CSTF2: variants seen among roughly 807,000 people sequenced by gnomAD.
CSTF2 encodes the protein CF-1 64 kDa subunit.
Under a neutral mutation model 45.4 loss-of-function variants are expected in CSTF2, and 8 were observed. That is an observed-to-expected ratio of 0.18 (90% CI 0.10 to 0.32). The LOEUF (loss-of-function observed/expected upper bound fraction) is 0.32, where lower values mean the gene tolerates loss of function less well. CSTF2 is among the 10% of genes least tolerant of loss of function. The probability of loss-of-function intolerance (pLI) is 1.00; values close to 1 mark genes in which losing one functional copy is unlikely to be tolerated. For missense variants in CSTF2, 253 were observed against 477.1 expected (o/e 0.53, Z 4.38); for synonymous variants, 155 against 158.9 (o/e 0.98, Z 0.18).
chrX:100,834,334 A>G (rs73636623), intron 11 of CSTF2, among the ~76,000 whole-genome samples: 10,030 of 111,314 alleles, frequency 0.09, 1,143 homozygotes, highest in African/African-American at 0.31. Context: ...TACATCAATC[A>G]TCTAATTCCC....
intron 3 of CSTF2, among the ~76,000 whole-genome samples, chrX:100,823,015 A>T: frequency 9.0e-6 from 1 of 111,683 alleles, no homozygotes; most frequent in African/African-American, 3.3e-5. Flanking sequence ...TTTGTTTCTG[A>T]AATGACTTGT....
intron 8 of CSTF2, among the ~76,000 whole-genome samples, chrX:100,830,583 G>A (rs1381692640): frequency 9.0e-6 from 1 of 111,560 alleles, no homozygotes. Flanking sequence ...GTGCCCCCAT[G>A]GGATTCCCTT....
At chrX:100,831,023 A>G (rs937491312) in intron 8 of CSTF2, among the ~76,000 whole-genome samples, 9 of 111,127 alleles carry the variant, frequency 8.1e-5, no homozygotes, top group Non-Finnish European at 1.3e-4. Flanking sequence ...TTGAGGCCAC[A>G]AGCCTAAGAT....
chrX:100,820,617 C>T (rs763669140), intron 1 of CSTF2, 143 bp downstream of exon 1: 225 of 610,894 alleles, frequency 3.7e-4, no homozygotes, highest in Non-Finnish European at 5.8e-4. Context: ...CTGGTGGACT[C>T]ATGAGCAAAG....
chrX:100,838,185 AT>A (rs1040242750), intron 12 of CSTF2, 53 bp from the exon 13 acceptor site: 3 of 1,065,492 alleles, frequency 2.8e-6, no homozygotes, highest in Non-Finnish European at 3.7e-6. Context: ...TTTGTTTTGT[AT>A]TTTTTAGCTG....
At chrX:100,830,729 T>C in intron 8 of CSTF2, 2 of 706,895 alleles carry the variant, frequency 2.8e-6, no homozygotes, top group Non-Finnish European at 4.2e-6. Context: ...TCAATCTCCA[T>C]GTGTGTGTGT....
rs2085039040 is a variant in CSTF2, at chrX:100,841,484, C to A, written c.*774C>A. Among the ~76,000 whole-genome samples, 1 of 112,160 alleles carries A rather than the reference C, an allele frequency of 8.9e-6. No homozygotes were observed. The highest frequency in any genetic ancestry group is 3.7e-4 in the South Asian group (1 of 2,717). ...AGTTTAAAAAGCCACTGATTTTTCA[C>A]ATGCTCAAGATGAAATAAAAACAGA... On this transcript the variant is annotated 3_prime_UTR_variant, in exon 14 of 14. Transcript: ENST00000372972.
intron 12 of CSTF2, 96 bp downstream of exon 12, chrX:100,837,545 G>T (rs1441476295): frequency 3.7e-6 from 2 of 535,058 alleles, no homozygotes; most frequent in African/African-American, 4.7e-5. Flanking sequence ...GGTCTTCAAA[G>T]TCCCTTTGGA....
intron 9 of CSTF2, 92 bp downstream of exon 9, chrX:100,831,748 T>C (rs1265894578): frequency 1.6e-5 from 16 of 987,314 alleles, no homozygotes; most frequent in Non-Finnish European, 2.3e-5. Flanking sequence ...TTGTACCTGT[T>C]TGCCTACTTC....
intron 7 of CSTF2, among the ~76,000 whole-genome samples, chrX:100,827,346 A>G (rs2084950926): frequency 8.9e-6 from 1 of 112,536 alleles, no homozygotes; most frequent in Admixed American, 9.4e-5. Flanking sequence ...TAATAAGAGT[A>G]TTGCTCATAT....
intron 8 of CSTF2, among the ~76,000 whole-genome samples, chrX:100,830,187 A>G (rs908425231): frequency 8.9e-6 from 1 of 112,128 alleles, no homozygotes; most frequent in Non-Finnish European, 1.9e-5. Flanking sequence ...TGCTGTTGTC[A>G]TGATGTTTAT....
rs750457378 is a variant in CSTF2, at chrX:100,824,020, T to A, written c.564+15T>A. On this transcript the variant is annotated intron_variant, in intron 5 of 13. Transcript: ENST00000372972. The stretch of plus-strand genomic sequence containing the variant: ...AAATTGCCCTGGTGAGTGCTTCTGG[T>A]TCTTTTATGGAAATGGTCGGGTAAA... 12 of 1,211,021 alleles carry A rather than the reference T, an allele frequency of 9.9e-6. No homozygotes were observed. The East Asian group carries it at 3.2e-4, about 33-fold the overall frequency.
chrX:100,835,614 C>T (rs1405822781), intron 11 of CSTF2, among the ~76,000 whole-genome samples: 1 of 106,690 alleles, frequency 9.4e-6, no homozygotes, highest in Non-Finnish European at 1.9e-5. Context: ...AAAATTAACT[C>T]TAGTCCACTT....
At chrX:100,839,490 G>A (rs1305216526) in intron 13 of CSTF2, among the ~76,000 whole-genome samples, 1 of 111,352 alleles carries the variant, frequency 9.0e-6, no homozygotes, top group Non-Finnish European at 1.9e-5. Context: ...CTATTCTTAT[G>A]TTATATAATA....
Position 100,832,864 on chromosome X carries a change from A to G in CSTF2, c.1162A>G (p.Arg388Gly). The part of the protein sequence containing the change: ...PEPRPLMAEP[R>G]GPMLDQRGPP... ...GCCCAGACCTCTAATGGCAGAACCA[A>G]GAGGACCCATGCTAGATCAGAGGGG... The change falls in exon 10 of 14, where the codon AGA becomes GGA. Residue 388 changes from arginine (R) to glycine (G), a missense_variant. Physicochemically the swap from Arg to Gly is moderately radical, Grantham distance 125 (BLOSUM62 -2). Coordinates refer to ENST00000372972, the MANE Select transcript of CSTF2 (RefSeq NM_001325.3). 1 of 1,208,732 alleles carries G rather than the reference A, an allele frequency of 8.3e-7. No individual in the cohort carries two copies. The highest frequency in any genetic ancestry group is 1.1e-6 in the Non-Finnish European group (1 of 893,786).
At chrX:100,839,117 G>A (rs899544018) in intron 13 of CSTF2, among the ~76,000 whole-genome samples, 2 of 109,336 alleles carry the variant, frequency 1.8e-5, no homozygotes, top group African/African-American at 6.7e-5. Context: ...GGCATGGTGA[G>A]ATGCGCCTAT....
intron 2 of CSTF2, among the ~76,000 whole-genome samples, chrX:100,822,048 A>G (rs931542363): frequency 5.5e-5 from 6 of 109,600 alleles, no homozygotes; most frequent in Non-Finnish European, 9.5e-5. Flanking sequence ...AGCCAAGATC[A>G]TGCCACTGCA....
At chrX:100,830,971 A>AACACTACCCTTTT in intron 8 of CSTF2, 1 of 670,105 alleles carries the variant, frequency 1.5e-6, no homozygotes, top group Non-Finnish European at 2.2e-6. Flanking sequence ...AGAACCCAAA[A>AACACTACCCTTTT]GGGTAGTGTT....
At position 100,841,266 on chromosome X, in the gene CSTF2, A is replaced by G. The variant is rs1431524514; in HGVS notation, c.*556A>G. 1.8e-5 allele frequency among the ~76,000 whole-genome samples: 2 copies of G among 112,611 alleles called. No homozygotes were observed. The highest frequency in any genetic ancestry group is 3.2e-5 in the African/African-American group (1 of 31,000). On this transcript the variant is annotated 3_prime_UTR_variant, in exon 14 of 14. Coordinates refer to ENST00000372972, the MANE Select transcript of CSTF2 (RefSeq NM_001325.3). ...AGGCTAACAGAGCAAAGAGCCTAGCACAGCTGTGTGTTTAGTTTAGAAAAA... is the reference window on the plus strand; with the variant it reads ...AGGCTAACAGAGCAAAGAGCCTAGCGCAGCTGTGTGTTTAGTTTAGAAAAA...
Sources: allele counts gnomAD v4.1 joint callset (sites outside exome capture counted in the v4.1 genomes callset), GRCh38; gene constraint gnomAD v4.1.1; transcripts MANE v1.5; gene names NCBI Gene and HGNC (gene_info 2026-07-23, HGNC 2026-07-21).